Variants in DLG5 observed in about 807,000 individuals in gnomAD.
DLG5 encodes the protein disks large homolog 5.
In DLG5, 48 loss-of-function variants were observed where a neutral mutation model predicts 189.8. The ratio of observed to expected loss-of-function variants is 0.25; its 90% CI spans 0.20 to 0.32. DLG5 has a LOEUF of 0.32. Ranked by LOEUF, DLG5 falls within the 10% of genes least tolerant of loss-of-function variation. DLG5 has a pLI of 1.00. For synonymous variants in DLG5, 1,016 were observed against 1,054.1 expected, an observed-to-expected ratio of 0.96 and a Z score of 0.70; for missense variants, 2,160 against 2,544.7, an observed-to-expected ratio of 0.85 and a Z score of 3.25.
At position 77,817,895 on chromosome 10, in the gene DLG5, T is replaced by G. The variant is rs1568142252; in HGVS notation, c.3672-6A>C. 7 of 1,550,142 alleles carry G rather than the reference T, an allele frequency of 4.5e-6. No homozygotes were observed. Among genetic ancestry groups the G allele is most frequent in the Non-Finnish European group, 6.1e-6 (7 of 1,146,362 alleles). ...GGCGTCCCTGGTGCTGGACACTGCG[T>G]AAAAACAAGAGGTGAGGAGTTCGGG... On this transcript the variant is annotated splice_polypyrimidine_tract_variant and splice_region_variant and intron_variant, in intron 17 of 31. Coordinates refer to ENST00000372391, the MANE Select transcript of DLG5 (RefSeq NM_004747.4).
intron 1 of DLG5, among the ~76,000 whole-genome samples, chr10:77,878,951 T>C (rs1401711674): frequency 6.6e-6 from 1 of 152,218 alleles, no homozygotes; most frequent in Non-Finnish European, 1.5e-5. Context: ...GCCCACTCAT[T>C]CGCCAAACGC....
chr10:77,862,497 A>C (rs1844510742), intron 2 of DLG5, among the ~76,000 whole-genome samples: 1 of 152,216 alleles, frequency 6.6e-6, no homozygotes, highest in Non-Finnish European at 1.5e-5. Context: ...ATTCTCAAAC[A>C]CTGCTGATGA....
At chr10:77,913,862 T>G (rs893983796) in intron 1 of DLG5, among the ~76,000 whole-genome samples, 3 of 152,144 alleles carry the variant, frequency 2.0e-5, no homozygotes, top group African/African-American at 7.2e-5. Context: ...GCGCTGGGAT[T>G]ACAGGTATAA....
At chr10:77,794,528 TAAGCAG>T (rs1205354401) in intron 30 of DLG5, among the ~76,000 whole-genome samples, 1 of 152,098 alleles carries the variant, frequency 6.6e-6, no homozygotes, top group Non-Finnish European at 1.5e-5. Flanking sequence ...CCCCTGCTCC[TAAGCAG>T]CACGTAGCGA....
chr10:77,819,492 C>A, intron 16 of DLG5, 27 bp from the exon 17 acceptor site: 1 of 1,602,864 alleles, frequency 6.2e-7, no homozygotes, highest in South Asian at 1.1e-5. Context: ...TGAGAAAAGA[C>A]GCCCCAAAGG....
intron 1 of DLG5, among the ~76,000 whole-genome samples, chr10:77,897,346 A>C (rs1427719564): frequency 6.6e-6 from 1 of 151,932 alleles, no homozygotes; most frequent in Non-Finnish European, 1.5e-5. Flanking sequence ...ACAGAGAGAG[A>C]CTCCATCTCC....
intron 8 of DLG5, among the ~76,000 whole-genome samples, chr10:77,834,737 G>T (rs1843042560): frequency 6.6e-6 from 1 of 152,084 alleles, no homozygotes; most frequent in Admixed American, 6.5e-5. Context: ...CCCAGCCTCA[G>T]TCAGAGCCTG....
intron 11 of DLG5, 63 bp downstream of exon 11, chr10:77,830,154 G>T: frequency 6.2e-7 from 1 of 1,603,164 alleles, no homozygotes; most frequent in Non-Finnish European, 8.5e-7. Context: ...GGCTCTCTTC[G>T]GGTCCTCTGC....
Position 77,819,250 on chromosome 10 carries a change from CACT to C in DLG5, c.3671+68_3671+70del, listed in dbSNP as rs2154575549. 3 of 1,606,432 alleles carry C rather than the reference CACT, an allele frequency of 1.9e-6. No homozygotes were observed. In the East Asian group the frequency reaches 6.7e-5, roughly 36 times the overall value. On this transcript the variant is annotated intron_variant, in intron 17 of 31. Transcript: ENST00000372391. Reference sequence around the variant, plus strand: ...TTCTCCACCAATGAGCCTCTTTATGCACTCATGGTTCCATGTCCAGGCAGGCTT... The same window carrying C: ...TTCTCCACCAATGAGCCTCTTTATGCCATGGTTCCATGTCCAGGCAGGCTT...
intron 5 of DLG5, among the ~76,000 whole-genome samples, chr10:77,853,147 AT>A (rs71030909): frequency 0.25 from 36,535 of 143,632 alleles, 4,627 homozygotes; most frequent in Admixed American, 0.38. Flanking sequence ...TGTCCAGCTA[AT>A]TTTTTTTTTT....
rs775151970 is a variant in DLG5 at position 77,849,716 on chromosome 10, G to T, written c.864+3638C>A. ...GGGGGAAGAAGACCCTCCCCTGTGAGGCAGACAGGAAAGGGAGAGGGGGAC... is the reference window on the plus strand; with the variant it reads ...GGGGGAAGAAGACCCTCCCCTGTGATGCAGACAGGAAAGGGAGAGGGGGAC... On this transcript the variant is annotated intron_variant, in intron 5 of 31. Coordinates refer to ENST00000372391, the MANE Select transcript of DLG5 (RefSeq NM_004747.4). Among the ~76,000 whole-genome samples the T allele has an allele frequency of 4.2e-4, 64 of 152,222 alleles. 1 individual carries two copies. Among genetic ancestry groups the T allele is most frequent in the Non-Finnish European group, 7.3e-4 (50 of 68,042 alleles).
chr10:77,923,552 A>G (rs1395145309), intron 1 of DLG5, among the ~76,000 whole-genome samples: 1 of 152,222 alleles, frequency 6.6e-6, no homozygotes, highest in Non-Finnish European at 1.5e-5. Context: ...TGAGCTCAGG[A>G]GTTCGAGACC....
intron 5 of DLG5, among the ~76,000 whole-genome samples, chr10:77,850,834 T>C (rs140792600): frequency 6.6e-6 from 1 of 152,236 alleles, no homozygotes; most frequent in Non-Finnish European, 1.5e-5. Context: ...TACACTGAGA[T>C]GTGCCAACCT....
chr10:77,844,379 G>A (rs1216214644), intron 5 of DLG5, among the ~76,000 whole-genome samples: 2 of 152,198 alleles, frequency 1.3e-5, no homozygotes, highest in African/African-American at 2.4e-5. Flanking sequence ...CCCCTTTGCC[G>A]ACTTTGCTCT....
In DLG5 at chr10:77,835,956, T is replaced by C. The variant is rs377503801; in HGVS notation, c.1438-34A>G. The C allele has an allele frequency of 2.6e-5, 41 of 1,588,366 alleles. No homozygotes were observed. In the African/African-American group the frequency reaches 4.3e-4, roughly 17 times the overall value. ...AGCAAGGGGCAGGAAGAGGGAGAGGTTGCTGAGCCTCATGGACCAGGAGCG... is the reference window on the plus strand; with the variant it reads ...AGCAAGGGGCAGGAAGAGGGAGAGGCTGCTGAGCCTCATGGACCAGGAGCG... On this transcript the variant is annotated intron_variant, in intron 7 of 31. Coordinates refer to ENST00000372391, the MANE Select transcript of DLG5 (RefSeq NM_004747.4).
At chr10:77,924,983 C>A (rs1431067075) in intron 1 of DLG5, among the ~76,000 whole-genome samples, 1 of 152,174 alleles carries the variant, frequency 6.6e-6, no homozygotes, top group African/African-American at 2.4e-5. Flanking sequence ...CAGCCTTTGA[C>A]CTTCAGGTTG....
chr10:77,811,863 A>C lies in DLG5; in HGVS notation c.4322+61T>G. On this transcript the variant is annotated intron_variant, in intron 22 of 31. Transcript: ENST00000372391. ...CCCTGGGTCTCCCTAAAATGAGCAG[A>C]GTGCTGCTGCACCCACCTCTCCACC... The C allele has an allele frequency of 2.6e-6, 4 of 1,525,492 alleles. No homozygotes were observed. In the South Asian group the frequency reaches 4.8e-5, roughly 18 times the overall value. 94.5% of individuals were successfully genotyped at this position (1,525,492 alleles called of 1,614,324 possible). A position where few individuals can be genotyped will look rare whatever the true frequency, so the allele number is the denominator to read the frequency against.
At chr10:77,867,321 T>C (rs1443382813) in intron 2 of DLG5, among the ~76,000 whole-genome samples, 2 of 152,178 alleles carry the variant, frequency 1.3e-5, no homozygotes, top group Admixed American at 6.5e-5. Context: ...GAAATGCCGA[T>C]GGGAATGAGT....
At chr10:77,918,200 CAGG>C (rs1846425487) in intron 1 of DLG5, among the ~76,000 whole-genome samples, 1 of 151,292 alleles carries the variant, frequency 6.6e-6, no homozygotes, top group Admixed American at 6.6e-5. Flanking sequence ...CATTTGAGGT[CAGG>C]AGTTCAAGAC....
Sources: allele counts gnomAD v4.1 joint callset (sites outside exome capture counted in the v4.1 genomes callset), GRCh38; gene constraint gnomAD v4.1.1; transcripts MANE v1.5; gene names NCBI Gene and HGNC (gene_info 2026-07-23, HGNC 2026-07-21).